Variants in COL13A1 observed in about 807,000 individuals in gnomAD.
The protein encoded by COL13A1 is collagen type XIII alpha 1 chain.
Under a neutral mutation model 130.9 loss-of-function variants are expected in COL13A1, and 89 were observed. The observed-to-expected ratio is 0.68, with a 90% CI of 0.57 to 0.81. The LOEUF (loss-of-function observed/expected upper bound fraction) is 0.81. COL13A1 is among the 30% of genes least tolerant of loss of function. The pLI is 0.00. For missense variants in COL13A1, 879 were observed against 934.6 expected, an observed-to-expected ratio of 0.94 and a Z score of 0.78; for synonymous variants, 402 against 341.6, an observed-to-expected ratio of 1.18 and a Z score of -1.95.
In COL13A1 at chr10:69,917,913, TCTCCTCCTC is replaced by T. The variant is rs563821634; in HGVS notation, c.967-360_967-352del. ...CATTCTCCTGCCGTCTCCCTTCCCA[TCTCCTCCTC>T]CTCCTCCTCCTTTCATATTCCAACG... On this transcript the variant is annotated intron_variant, in intron 18 of 40. Transcript: ENST00000645393. 2.1e-4 allele frequency among the ~76,000 whole-genome samples: 31 copies of T among 151,116 alleles called. No individual in the cohort carries two copies. The South Asian group carries it at 5.2e-3, about 26-fold the overall frequency.
At chr10:69,940,967 C>T (rs1009095264) in intron 34 of COL13A1, 21 bp from the exon 35 acceptor site, 2 of 1,613,808 alleles carry the variant, frequency 1.2e-6, no homozygotes, top group African/African-American at 2.7e-5. Context: ...TTCTTTTGGT[C>T]AAACTGTGCC....
chr10:69,904,699 G>A (rs184673339), intron 15 of COL13A1, among the ~76,000 whole-genome samples: 279 of 152,268 alleles, frequency 1.8e-3, no homozygotes, highest in African/African-American at 6.3e-3. Flanking sequence ...AGAATTGCCC[G>A]CGGCCCCCAC....
chr10:69,880,046 G>A (rs2059970752), intron 6 of COL13A1, among the ~76,000 whole-genome samples: 1 of 152,094 alleles, frequency 6.6e-6, no homozygotes, highest in African/African-American at 2.4e-5. Context: ...AGGGGGAGCT[G>A]GAAAGCATCC....
intron 1 of COL13A1, among the ~76,000 whole-genome samples, chr10:69,816,915 A>ATCC (rs1259075438): frequency 2.0e-5 from 3 of 152,200 alleles, no homozygotes; most frequent in African/African-American, 7.2e-5. Flanking sequence ...TTTTCTAGGG[A>ATCC]AAGAGCTAAC....
At chr10:69,826,582 C>G (rs558588219) in intron 2 of COL13A1, among the ~76,000 whole-genome samples, 1 of 152,158 alleles carries the variant, frequency 6.6e-6, no homozygotes, top group Non-Finnish European at 1.5e-5. Flanking sequence ...TGCCCAGGAG[C>G]CAAAGGAGCT....
intron 3 of COL13A1, among the ~76,000 whole-genome samples, chr10:69,868,540 AG>A (rs980119302): frequency 1.3e-5 from 2 of 152,226 alleles, no homozygotes; most frequent in African/African-American, 2.4e-5. Context: ...TCCCAACAAA[AG>A]ACCAGAGGGC....
In COL13A1 at chr10:69,878,103, C is replaced by G. The variant is rs929937741; in HGVS notation, c.462+38C>G. On this transcript the variant is annotated intron_variant, in intron 6 of 40. Coordinates refer to ENST00000645393, the MANE Select transcript of COL13A1 (RefSeq NM_001368882.1). ...TTTCCCCTTCTGCCCTGCACCCAGCCTCCTCCTCCAGGTGGACTCTTGATG... is the reference window on the plus strand; with the variant it reads ...TTTCCCCTTCTGCCCTGCACCCAGCGTCCTCCTCCAGGTGGACTCTTGATG... 1.0e-5 allele frequency: 7 copies of G among 702,744 alleles called. No homozygotes were observed. In the Admixed American group the frequency reaches 1.4e-4, roughly 14 times the overall value. The allele number at this position is 702,744 out of a possible 1,614,324, so 43.5% of individuals were successfully genotyped here.
At chr10:69,845,767 CT>C (rs1196458796) in intron 2 of COL13A1, among the ~76,000 whole-genome samples, 1 of 152,266 alleles carries the variant, frequency 6.6e-6, no homozygotes, top group Non-Finnish European at 1.5e-5. Context: ...GCAGAATCAC[CT>C]AGTCAGCTAA....
At chr10:69,922,863 G>A (rs2064864600) in intron 23 of COL13A1, 69 bp downstream of exon 23, 14 of 1,074,956 alleles carry the variant, frequency 1.3e-5, no homozygotes, top group Non-Finnish European at 1.7e-5. Context: ...CCTGTTCTCG[G>A]GGACTCTACG....
chr10:69,863,401 G>C (rs1295700076), intron 2 of COL13A1, among the ~76,000 whole-genome samples: 2 of 152,166 alleles, frequency 1.3e-5, no homozygotes, highest in South Asian at 2.1e-4. Flanking sequence ...GGCAGAGATG[G>C]GTGGGTCGGG....
chr10:69,939,913 C>T (rs2067405094), intron 34 of COL13A1, among the ~76,000 whole-genome samples: 1 of 152,212 alleles, frequency 6.6e-6, no homozygotes, highest in Admixed American at 6.5e-5. Flanking sequence ...TTCCATGAAG[C>T]AGCAGCTCGT....
At chr10:69,870,030 C>T (rs2058899492) in intron 3 of COL13A1, among the ~76,000 whole-genome samples, 1 of 152,180 alleles carries the variant, frequency 6.6e-6, no homozygotes, top group Admixed American at 6.5e-5. Context: ...GCAATCAAAT[C>T]CTGGCACTGC....
chr10:69,892,062 A>G lies in COL13A1; in HGVS notation c.604-2490A>G, dbSNP rs2061230144. 2.6e-5 allele frequency among the ~76,000 whole-genome samples: 4 copies of G among 152,122 alleles called. No individual in the cohort carries two copies. In the South Asian group the frequency reaches 8.3e-4, roughly 32 times the overall value. On this transcript the variant is annotated intron_variant, in intron 10 of 40. Transcript: ENST00000645393. ...CACACACTTGACCGCCTGTCCAGGGATCAGAGCTAACTCAACAGAAAAGGC... is the reference window on the plus strand; with the variant it reads ...CACACACTTGACCGCCTGTCCAGGGGTCAGAGCTAACTCAACAGAAAAGGC...
At chr10:69,931,562 A>G (rs1003199268) in intron 30 of COL13A1, among the ~76,000 whole-genome samples, 1 of 152,172 alleles carries the variant, frequency 6.6e-6, no homozygotes, top group African/African-American at 2.4e-5. Flanking sequence ...AGAGCCTCAG[A>G]GGTCAACCAG....
chr10:69,811,017 G>C (rs771693267), intron 1 of COL13A1, among the ~76,000 whole-genome samples: 3 of 152,190 alleles, frequency 2.0e-5, no homozygotes, highest in Non-Finnish European at 4.4e-5. Context: ...CTGTCTCCCT[G>C]CCTGGCGGCT....
At chr10:69,835,229 G>C (rs1336175356) in intron 2 of COL13A1, among the ~76,000 whole-genome samples, 2 of 152,178 alleles carry the variant, frequency 1.3e-5, no homozygotes, top group African/African-American at 4.8e-5. Flanking sequence ...CCCTGAAGGA[G>C]AAGGTTCTGC....
chr10:69,930,850 TG>T (rs1285015323), intron 30 of COL13A1, among the ~76,000 whole-genome samples: 1 of 152,240 alleles, frequency 6.6e-6, no homozygotes, highest in Non-Finnish European at 1.5e-5. Flanking sequence ...ATGTTTTCCC[TG>T]GATACCTCAC....
chr10:69,805,651 G>A (rs1024384077), intron 1 of COL13A1, among the ~76,000 whole-genome samples: 12 of 152,292 alleles, frequency 7.9e-5, no homozygotes, highest in South Asian at 2.1e-4. Flanking sequence ...GTACATCCTC[G>A]CAGAAAGTTC....
intron 14 of COL13A1, among the ~76,000 whole-genome samples, chr10:69,901,862 CG>C (rs779349045): frequency 3.9e-5 from 6 of 152,166 alleles, no homozygotes; most frequent in Non-Finnish European, 8.8e-5. Context: ...GGTGGGAAGG[CG>C]GGCTCAGAGC....
Sources: gnomAD v4.1 joint callset for allele counts (sites outside exome capture counted in the v4.1 genomes callset) on GRCh38, gnomAD v4.1.1 for gene constraint, MANE v1.5 for transcripts, NCBI Gene and HGNC (gene_info 2026-07-23, HGNC 2026-07-21) for gene names.